Variants in PCDH9 observed in about 807,000 individuals in gnomAD.
The protein encoded by PCDH9 is protocadherin-9.
PCDH9 carries 24 observed loss-of-function variants against 70.6 expected under a neutral mutation model. That is an observed-to-expected ratio of 0.34 (90% CI 0.25 to 0.48). PCDH9 has a LOEUF of 0.48. Ranked by LOEUF, PCDH9 falls within the 20% of genes least tolerant of loss-of-function variation. The pLI is 0.99. For missense variants in PCDH9, 1,281 were observed against 1,503.6 expected, an observed-to-expected ratio of 0.85 and a Z score of 2.45; for synonymous variants, 562 against 558.5, an observed-to-expected ratio of 1.01 and a Z score of -0.09.
At chr13:67,164,932 C>T (rs1310372692) in intron 2 of PCDH9, among the ~76,000 whole-genome samples, 1 of 152,104 alleles carries the variant, frequency 6.6e-6, no homozygotes, top group Non-Finnish European at 1.5e-5. Context: ...AATGATCTTC[C>T]ACGTTAATTC....
At chr13:66,735,690 A>C (rs1476137287) in intron 3 of PCDH9, among the ~76,000 whole-genome samples, 1 of 152,178 alleles carries the variant, frequency 6.6e-6, no homozygotes, top group African/African-American at 2.4e-5. Flanking sequence ...TAGGCCGGGC[A>C]CAGTGGCTCA....
intron 4 of PCDH9, among the ~76,000 whole-genome samples, chr13:66,476,170 A>C (rs181785442): frequency 3.0e-4 from 45 of 152,196 alleles, no homozygotes; most frequent in African/African-American, 1.1e-3. Context: ...ATCTTTATAA[A>C]GCCAAAAAGT....
chr13:67,134,200 G>T (rs1165551070), intron 2 of PCDH9, among the ~76,000 whole-genome samples: 1 of 151,986 alleles, frequency 6.6e-6, no homozygotes, highest in Admixed American at 6.6e-5. Flanking sequence ...AAGCCCTAAT[G>T]GTTGTATCCT....
At chr13:66,448,778 C>T (rs181955867) in intron 4 of PCDH9, among the ~76,000 whole-genome samples, 1 of 152,196 alleles carries the variant, frequency 6.6e-6, no homozygotes, top group African/African-American at 2.4e-5. Flanking sequence ...TTGCTGCGTA[C>T]TATTTTTGAA....
intron 2 of PCDH9, among the ~76,000 whole-genome samples, chr13:67,097,548 A>T (rs1326019319): frequency 6.6e-6 from 1 of 152,214 alleles, no homozygotes; most frequent in Non-Finnish European, 1.5e-5. Flanking sequence ...TTATGTCTAT[A>T]ACAGTAACTA....
At chr13:67,095,828 T>A (rs1246926698) in intron 2 of PCDH9, among the ~76,000 whole-genome samples, 1 of 152,120 alleles carries the variant, frequency 6.6e-6, no homozygotes, top group Non-Finnish European at 1.5e-5. Context: ...CTGTGTTACG[T>A]AACAACACAA....
intron 4 of PCDH9, among the ~76,000 whole-genome samples, chr13:66,427,466 A>G (rs988593564): frequency 2.0e-5 from 3 of 151,742 alleles, no homozygotes; most frequent in Non-Finnish European, 4.4e-5. Context: ...CTAAGAGTTC[A>G]CTGGTTTACA....
intron 2 of PCDH9, among the ~76,000 whole-genome samples, chr13:66,928,006 C>G (rs2082743718): frequency 6.6e-6 from 1 of 152,048 alleles, no homozygotes; most frequent in Admixed American, 6.6e-5. Context: ...ATATCCCTCT[C>G]TCTGCACCCC....
intron 3 of PCDH9, among the ~76,000 whole-genome samples, chr13:66,748,408 G>A (rs994958597): frequency 6.6e-6 from 1 of 152,130 alleles, no homozygotes; most frequent in African/African-American, 2.4e-5. Context: ...AAATCAAAAA[G>A]GAAGGTTTAG....
intron 3 of PCDH9, among the ~76,000 whole-genome samples, chr13:66,711,596 C>T (rs1302289970): frequency 2.6e-5 from 4 of 152,088 alleles, no homozygotes; most frequent in Non-Finnish European, 4.4e-5. Context: ...ATGTTTTACA[C>T]ATAAAAGATC....
intron 2 of PCDH9, chr13:67,220,291 T>C (rs2089695924): frequency 6.6e-6 from 1 of 151,998 alleles, no homozygotes; most frequent in Non-Finnish European, 1.5e-5. Flanking sequence ...AAAGGATGCG[T>C]TACAATGCCA....
chr13:67,153,260 C>A (rs1793906949), intron 2 of PCDH9, among the ~76,000 whole-genome samples: 1 of 151,940 alleles, frequency 6.6e-6, no homozygotes, highest in African/African-American at 2.4e-5. Context: ...CTCCTGGGTC[C>A]AAGCAATCCT....
At chr13:66,488,034 T>C (rs1047464465) in intron 4 of PCDH9, among the ~76,000 whole-genome samples, 1 of 152,180 alleles carries the variant, frequency 6.6e-6, no homozygotes, top group Non-Finnish European at 1.5e-5. Context: ...TGCCGAACCA[T>C]ACACAGCATC....
chr13:66,382,121 T>C (rs1956859639), intron 4 of PCDH9, among the ~76,000 whole-genome samples: 1 of 152,216 alleles, frequency 6.6e-6, no homozygotes, highest in African/African-American at 2.4e-5. Flanking sequence ...AAAAGTAGTA[T>C]AATCTTTCCT....
At chr13:66,773,800 C>A (rs967206746) in intron 3 of PCDH9, among the ~76,000 whole-genome samples, 1 of 149,490 alleles carries the variant, frequency 6.7e-6, no homozygotes, top group African/African-American at 2.5e-5. Flanking sequence ...TTTTTTTAGA[C>A]GGAGCTTCGC....
intron 3 of PCDH9, among the ~76,000 whole-genome samples, chr13:66,805,398 A>G (rs2080394174): frequency 1.3e-5 from 2 of 152,188 alleles, no homozygotes; most frequent in African/African-American, 4.8e-5. Context: ...TCCAGAAGTG[A>G]CAACAGTGTA....
intron 4 of PCDH9, among the ~76,000 whole-genome samples, chr13:66,397,886 C>G (rs1957130324): frequency 6.6e-6 from 1 of 151,478 alleles, no homozygotes; most frequent in African/African-American, 2.4e-5. Context: ...CCCATAACAA[C>G]CTTTATAATT....
intron 3 of PCDH9, among the ~76,000 whole-genome samples, chr13:66,702,424 A>G (rs1263828689): frequency 6.6e-6 from 1 of 152,070 alleles, no homozygotes; most frequent in African/African-American, 2.4e-5. Flanking sequence ...AGGAGGGGGG[A>G]AATGGGGAGA....
chr13:66,812,464 C>T (rs375739475), intron 3 of PCDH9, among the ~76,000 whole-genome samples: 14 of 152,186 alleles, frequency 9.2e-5, no homozygotes, highest in South Asian at 2.1e-4. Context: ...ATGTCAAACA[C>T]GCAAATTAAT....
Sources: allele counts gnomAD v4.1 joint callset (sites outside exome capture counted in the v4.1 genomes callset), GRCh38; gene constraint gnomAD v4.1.1; transcripts MANE v1.5; gene names NCBI Gene and HGNC (gene_info 2026-07-23, HGNC 2026-07-21).